The following CSMD1 variants were observed in gnomAD, a reference collection of about 807,000 sequenced individuals.
CSMD1 encodes CUB and Sushi multiple domains 1, also known as CUB and sushi domain-containing protein 1.
Under a neutral mutation model 417.5 loss-of-function variants are expected in CSMD1, and 213 were observed. The observed-to-expected ratio is 0.51, with a 90% confidence interval of 0.46 to 0.57. The LOEUF (loss-of-function observed/expected upper bound fraction) is 0.57, where lower values mean the gene tolerates loss of function less well. Ranked by LOEUF, CSMD1 falls within the 20% of genes least tolerant of loss-of-function variation. The probability of loss-of-function intolerance (pLI) is 0.00; values close to 1 mark genes in which losing one functional copy is unlikely to be tolerated. For missense variants in CSMD1, 6,923 were observed against 4,529.7 expected (o/e 1.53, Z -15.17); for synonymous variants, 2,862 against 1,736.8 (o/e 1.65, Z -16.11).
chr8:3,763,338 G>C (rs929528574), intron 5 of CSMD1, among the ~76,000 whole-genome samples: 1 of 152,126 alleles, frequency 6.6e-6, no homozygotes, highest in Non-Finnish European at 1.5e-5. Flanking sequence ...GGAGGTGTTG[G>C]TGTCATGGGG....
chr8:3,546,160 ATTTG>A (rs2116741630), intron 10 of CSMD1, among the ~76,000 whole-genome samples: 1 of 150,816 alleles, frequency 6.6e-6, no homozygotes, highest in African/African-American at 2.5e-5. Context: ...GTCATCATGT[ATTTG>A]TTTGTCTTCA....
At chr8:4,302,824 C>T (rs1351644796) in intron 3 of CSMD1, among the ~76,000 whole-genome samples, 4 of 152,104 alleles carry the variant, frequency 2.6e-5, no homozygotes, top group Non-Finnish European at 5.9e-5. Context: ...GTCACAGGGT[C>T]CTAGTGACCC....
At chr8:2,999,936 C>T (rs538694043) in intron 53 of CSMD1, 22 bp downstream of exon 53, 15 of 1,577,914 alleles carry the variant, frequency 9.5e-6, no homozygotes, top group African/African-American at 4.1e-5. Flanking sequence ...TCGATGAATT[C>T]GTCCACAAAG....
chr8:3,687,988 A>T (rs1800034030), intron 7 of CSMD1, among the ~76,000 whole-genome samples: 1 of 152,154 alleles, frequency 6.6e-6, no homozygotes, highest in South Asian at 2.1e-4. Context: ...TCTGAATTTT[A>T]AGGCTTCTCT....
intron 1 of CSMD1, among the ~76,000 whole-genome samples, chr8:4,945,773 C>T (rs10106947): frequency 0.97 from 147,244 of 152,224 alleles, 71,338 homozygotes; most frequent in East Asian, 1. Flanking sequence ...ATGATGAATA[C>T]TGGAGAATGG....
chr8:3,216,662 T>C (rs560688402), intron 29 of CSMD1, among the ~76,000 whole-genome samples: 14 of 152,336 alleles, frequency 9.2e-5, no homozygotes, highest in African/African-American at 3.4e-4. Flanking sequence ...CACTGGCACA[T>C]TTTTTGCTTA....
At chr8:4,292,877 G>A (rs547165247) in intron 3 of CSMD1, among the ~76,000 whole-genome samples, 1 of 152,112 alleles carries the variant, frequency 6.6e-6, no homozygotes, top group African/African-American at 2.4e-5. Flanking sequence ...AATTTAAAAG[G>A]CTTTTTGTAA....
At chr8:3,441,570 G>A (rs996051842) in intron 12 of CSMD1, among the ~76,000 whole-genome samples, 3 of 150,884 alleles carry the variant, frequency 2.0e-5, no homozygotes, top group Non-Finnish European at 2.9e-5. Context: ...GATGGATCAT[G>A]TATACAATGG....
intron 7 of CSMD1, among the ~76,000 whole-genome samples, chr8:3,682,518 C>T (rs1030477128): frequency 6.6e-6 from 1 of 152,042 alleles, no homozygotes; most frequent in African/African-American, 2.4e-5. Context: ...GTTGGAATGG[C>T]GATCATTAAA....
chr8:3,296,376 A>G (rs764870797), intron 25 of CSMD1, among the ~76,000 whole-genome samples: 64 of 152,078 alleles, frequency 4.2e-4, no homozygotes, highest in South Asian at 1.5e-3. Context: ...CTGGGAAGGA[A>G]GAGCTGAGAG....
intron 1 of CSMD1, among the ~76,000 whole-genome samples, chr8:4,756,806 T>C (rs1811696493): frequency 6.6e-6 from 1 of 152,204 alleles, no homozygotes; most frequent in Non-Finnish European, 1.5e-5. Flanking sequence ...CTATGTCTGC[T>C]GGATAATAGA....
intron 5 of CSMD1, among the ~76,000 whole-genome samples, chr8:3,816,915 T>C (rs775765062): frequency 5.3e-5 from 8 of 152,208 alleles, no homozygotes; most frequent in East Asian, 3.9e-4. Flanking sequence ...TTCTATATGG[T>C]CCTCCCTATT....
chr8:4,184,005 C>G (rs1435773964), intron 3 of CSMD1, among the ~76,000 whole-genome samples: 1 of 152,174 alleles, frequency 6.6e-6, no homozygotes, highest in Non-Finnish European at 1.5e-5. Flanking sequence ...ATACACATGA[C>G]AAGGGTACAG....
At chr8:3,444,662 T>G (rs181546396) in intron 12 of CSMD1, among the ~76,000 whole-genome samples, 2 of 152,174 alleles carry the variant, frequency 1.3e-5, no homozygotes, top group Admixed American at 1.3e-4. Context: ...AAGTATGCAG[T>G]GGAAATGGTG....
chr8:3,775,963 T>C (rs970508784), intron 5 of CSMD1, among the ~76,000 whole-genome samples: 3 of 152,212 alleles, frequency 2.0e-5, no homozygotes, highest in Middle Eastern at 3.2e-3. Context: ...GCCAAATTCA[T>C]GTCATCAGCC....
intron 25 of CSMD1, among the ~76,000 whole-genome samples, chr8:3,285,469 C>G (rs183893578): frequency 1.3e-5 from 2 of 151,860 alleles, no homozygotes; most frequent in South Asian, 2.1e-4. Flanking sequence ...TCACTGCAAC[C>G]TCTACTTCCT....
At chr8:4,113,545 C>A (rs1032306044) in intron 3 of CSMD1, among the ~76,000 whole-genome samples, 1 of 152,036 alleles carries the variant, frequency 6.6e-6, no homozygotes, top group South Asian at 2.1e-4. Context: ...GCTGGGATTA[C>A]AGGCACGTGC....
intron 57 of CSMD1, among the ~76,000 whole-genome samples, chr8:2,967,151 G>A (rs375983673): frequency 6.6e-6 from 1 of 152,164 alleles, no homozygotes. Context: ...CAACACTGAA[G>A]CATCTTCCTT....
At chr8:4,418,119 C>T (rs959664690) in intron 3 of CSMD1, among the ~76,000 whole-genome samples, 1 of 151,920 alleles carries the variant, frequency 6.6e-6, no homozygotes, top group Non-Finnish European at 1.5e-5. Context: ...CAACAAAGCA[C>T]CTTTTTGACA....
Sources: allele counts gnomAD v4.1 joint callset (sites outside exome capture counted in the v4.1 genomes callset), GRCh38; gene constraint gnomAD v4.1.1; transcripts MANE v1.5; gene names NCBI Gene and HGNC (gene_info 2026-07-23, HGNC 2026-07-21).